The following FAM83C variants were observed in gnomAD, a reference collection of about 807,000 sequenced individuals.
FAM83C encodes the protein protein FAM83C.
A neutral mutation model predicts 27.1 loss-of-function variants in FAM83C; 23 were observed. That is an observed-to-expected ratio of 0.85 (90% confidence interval 0.61 to 1.20). The LOEUF is 1.20. FAM83C is among the 50% of genes most tolerant of loss of function. The pLI is 0.00. For synonymous variants in FAM83C, 426 were observed against 423.1 expected (o/e 1.01, Z -0.09); for missense variants, 984 against 1,001.3 (o/e 0.98, Z 0.23).
intron 1 of FAM83C, among the ~76,000 whole-genome samples, chr20:35,289,632 C>T (rs539670637): frequency 1.6e-3 from 247 of 152,104 alleles, no homozygotes; most frequent in Non-Finnish European, 2.8e-3. Context: ...CCACCACGCC[C>T]AGTCGCTAGT....
In FAM83C at chr20:35,286,383, G is replaced by GTA. The variant is rs1555798772; in HGVS notation, c.*151_*152insTA. ...TGTGTGTGTGTGTGTGTGTGTGTGTGTGTACACAAGAATCTTGAGCCCAGA... is the reference window on the plus strand; with the variant it reads ...TGTGTGTGTGTGTGTGTGTGTGTGTGTATGTACACAAGAATCTTGAGCCCAGA... On this transcript the variant is annotated 3_prime_UTR_variant, in exon 4 of 4. Transcript: ENST00000374408. 25 of 608,442 alleles carry GTA rather than the reference G, an allele frequency of 4.1e-5. No homozygotes were observed. The highest frequency in any genetic ancestry group is 4.4e-4 in the Middle Eastern group (1 of 2,274). The allele number at this position is 608,442 out of a possible 1,614,324, so 37.7% of individuals were successfully genotyped here. A position where few individuals can be genotyped will look rare whatever the true frequency, so the allele number is the denominator to read the frequency against.
At chr20:35,288,046 G>T in intron 3 of FAM83C, 74 bp from the exon 4 acceptor site, 3 of 1,296,700 alleles carry the variant, frequency 2.3e-6, no homozygotes, top group Non-Finnish European at 3.2e-6. Flanking sequence ...CACAGCCAGG[G>T]GTGCATACCT....
At position 35,288,482 on chromosome 20, in the gene FAM83C, T is replaced by A; in HGVS notation, c.785A>T (p.Gln262Leu). 6.2e-7 allele frequency: 1 copy of A among 1,614,058 alleles called. No homozygotes were observed. The highest frequency in any genetic ancestry group is 8.5e-7 in the Non-Finnish European group (1 of 1,179,986). The change falls in exon 3 of 4, where the codon CAA becomes CTA. Residue 262 changes from glutamine (Q) to leucine (L), a missense_variant. By Grantham distance (113) the Gln-to-Leu change is moderately radical. Transcript: ENST00000374408. ...TCACCTGTAACTGCCCGCCACCACTTGCTCACAGTCAATGAGGACGAACTT... is the reference window on the plus strand; with the variant it reads ...TCACCTGTAACTGCCCGCCACCACTAGCTCACAGTCAATGAGGACGAACTT... ...LEKFVLIDCEQVVAGSYSFTW... is the reference protein window; with the variant it reads ...LEKFVLIDCELVVAGSYSFTW...
chr20:35,287,862 G>A lies in FAM83C; in HGVS notation c.917C>T (p.Pro306Leu), dbSNP rs760478602. The A allele has an allele frequency of 6.8e-5, 106 of 1,565,978 alleles. No individual in the cohort carries two copies. The Admixed American group carries it at 1.2e-3, about 18-fold the overall frequency. Residue 306 changes from proline to leucine, a missense_variant, in exon 4 of 4, where the codon CCT becomes CTT. Physicochemically the swap from Pro to Leu is moderately conservative, Grantham distance 98. Coordinates refer to ENST00000374408, the MANE Select transcript of FAM83C (RefSeq NM_178468.6). ...EFRCLYAESQPVEGFCGGEDP... is the reference protein window; with the variant it reads ...EFRCLYAESQLVEGFCGGEDP... ...CTCACCGCCACAGAAGCCCTCCACA[G>A]GCTGCGACTCAGCGTACAGACAGCG...
Position 35,292,329 on chromosome 20 carries a change from G to A in FAM83C, c.-25C>T, listed in dbSNP as rs1407818869. 7.5e-6 allele frequency: 11 copies of A among 1,461,130 alleles called. No individual in the cohort carries two copies. The highest frequency in any genetic ancestry group is 2.8e-5 in the South Asian group (2 of 71,614). The allele number at this position is 1,461,130 out of a possible 1,614,324, so 90.5% of individuals were successfully genotyped here. On this transcript the variant is annotated 5_prime_UTR_variant, in exon 1 of 4. Coordinates refer to ENST00000374408, the MANE Select transcript of FAM83C (RefSeq NM_178468.6). ...TGCCTGCCACGCGGCTGCCTCACCC[G>A]CCGGCAGGGCCCATGGCCCGCACGC...
At chr20:35,288,364 A>G in intron 3 of FAM83C, 97 bp downstream of exon 3, 1 of 1,561,946 alleles carries the variant, frequency 6.4e-7, no homozygotes, top group Non-Finnish European at 8.7e-7. Flanking sequence ...GCAGGTACTC[A>G]GCCCGTGTCC....
In FAM83C at chr20:35,287,075, A is replaced by G. The variant is rs1600830538; in HGVS notation, c.1704T>C (p.Pro568=). 3 of 1,604,818 alleles carry G rather than the reference A, an allele frequency of 1.9e-6. No homozygotes were observed. The highest frequency in any genetic ancestry group is 8.5e-7 in the Non-Finnish European group (1 of 1,179,830). ...LSRALGTGGA[P]ELGSLRPGDR... ...CACCAGGTCTGAGGGAACCCAACTC[A>G]GGGGCACCCCCAGTACCCAGGGCTC... The change falls in exon 4 of 4, where the codon CCT becomes CCC. Residue 568 remains proline (P), a synonymous_variant. Transcript: ENST00000374408.
intron 3 of FAM83C, among the ~76,000 whole-genome samples, 177 bp downstream of exon 3, chr20:35,288,284 T>C (rs2060836147): frequency 6.6e-6 from 1 of 152,152 alleles, no homozygotes; most frequent in Non-Finnish European, 1.5e-5. Context: ...ATCATTCCCC[T>C]AGAGTGAGCT....
rs1384717493 is a variant in FAM83C, at chr20:35,288,913, A to G, written c.559T>C (p.Cys187Arg). Residue 187 changes from cysteine to arginine, a missense_variant, in exon 2 of 4, where the codon TGT becomes CGT. Transcript: ENST00000374408. ...MDIFTDMELL[C>R]DLMEASSRRG... ...CGGCTTGAGGCCTCCATGAGGTCAC[A>G]CAGAAGCTCCATGTCAGTGAATATG... 1.2e-6 allele frequency: 2 copies of G among 1,614,092 alleles called. No homozygotes were observed. Among genetic ancestry groups the G allele is most frequent in the East Asian group, 4.5e-5 (2 of 44,874 alleles).
Position 35,287,134 on chromosome 20 carries a change from T to G in FAM83C, c.1645A>C (p.Ser549Arg). Residue 549 changes from serine to arginine, a missense_variant, in exon 4 of 4, where the codon AGC becomes CGC. Coordinates refer to ENST00000374408, the MANE Select transcript of FAM83C (RefSeq NM_178468.6). The stretch of plus-strand genomic sequence containing the variant: ...AGATCCAGCTGGCTGTCGGCCTGGC[T>G]TGGGGACAACCTCCTGTCCTCTGGG... ...QAPEDRRLSP[S>R]QADSQLDLLS... 6.2e-7 allele frequency: 1 copy of G among 1,604,498 alleles called. No homozygotes were observed. The highest frequency in any genetic ancestry group is 1.1e-5 in the South Asian group (1 of 90,972).
chr20:35,287,170 C>T lies in FAM83C; in HGVS notation c.1609G>A (p.Gly537Ser). Residue 537 changes from glycine to serine, a missense_variant, in exon 4 of 4, where the codon GGC (glycine) becomes AGC (serine). Physicochemically the swap from Gly to Ser is moderately conservative, Grantham distance 56. Transcript: ENST00000374408. ...CTCCTGTCCTCTGGGGCCTGCTCGC[C>T]AGGCCGAAGGGGGCCTGAGTTGGGG... ...VTPNSGPLRPGEQAPEDRRLS... is the reference protein window; with the variant it reads ...VTPNSGPLRPSEQAPEDRRLS... 1.2e-6 allele frequency: 2 copies of T among 1,607,526 alleles called. No homozygotes were observed. The highest frequency in any genetic ancestry group is 1.7e-6 in the Non-Finnish European group (2 of 1,179,436).
rs762104755 is a variant in FAM83C at position 35,287,456 on chromosome 20, C to T, written c.1323G>A (p.Val441=). ...GGGAGCGAGGAAGCAGAGGTGACCCCACTGCCAAGGTTAAGGGGCTGGTAC... is the reference window on the plus strand; with the variant it reads ...GGGAGCGAGGAAGCAGAGGTGACCCTACTGCCAAGGTTAAGGGGCTGGTAC... ...HNSTSPLTLA[V]GSPLLPRSRP... is the part of the protein sequence containing the mutation. Residue 441 remains valine (V), a synonymous_variant, in exon 4 of 4, where the codon GTG becomes GTA. Coordinates refer to ENST00000374408, the MANE Select transcript of FAM83C (RefSeq NM_178468.6). 2.7e-5 allele frequency: 44 copies of T among 1,614,068 alleles called. No individual in the cohort carries two copies. Among genetic ancestry groups the T allele is most frequent in the Non-Finnish European group, 3.5e-5 (41 of 1,180,028 alleles).
chr20:35,289,241 C>T (rs1427531040), intron 1 of FAM83C, among the ~76,000 whole-genome samples: 1 of 152,150 alleles, frequency 6.6e-6, no homozygotes. Flanking sequence ...GATCATAGCT[C>T]TCTTCTGCCT....
chr20:35,286,354 G>GAT lies in FAM83C; in HGVS notation c.*180_*181insAT. ...CTAGATTCAAGAAGATACTAGTTAG[G>GAT]GTGTGTGTGTGTGTGTGTGTGTGTG... On this transcript the variant is annotated 3_prime_UTR_variant, in exon 4 of 4. Coordinates refer to ENST00000374408, the MANE Select transcript of FAM83C (RefSeq NM_178468.6). 2.0e-6 allele frequency: 1 copy of GAT among 511,806 alleles called. No individual in the cohort carries two copies. Among genetic ancestry groups the GAT allele is most frequent in the Non-Finnish European group, 3.4e-6 (1 of 293,936 alleles). The allele number at this position is 511,806 out of a possible 1,614,324, so 31.7% of individuals were successfully genotyped here.
Position 35,286,368 on chromosome 20 carries a change from T to G in FAM83C, c.*167A>C, listed in dbSNP as rs2060824209. The G allele has an allele frequency of 1.7e-6, 1 of 601,186 alleles. No homozygotes were observed. 37.2% of individuals were successfully genotyped at this position (601,186 alleles called of 1,614,324 possible). A position where few individuals can be genotyped will look rare whatever the true frequency, so the allele number is the denominator to read the frequency against. ...ATACTAGTTAGGGTGTGTGTGTGTG[T>G]GTGTGTGTGTGTGTGTGTACACAAG... On this transcript the variant is annotated 3_prime_UTR_variant, in exon 4 of 4. Transcript: ENST00000374408.
At position 35,287,167 on chromosome 20, in the gene FAM83C, C is replaced by G; in HGVS notation, c.1612G>C (p.Glu538Gln). ...AACCTCCTGTCCTCTGGGGCCTGCT[C>G]GCCAGGCCGAAGGGGGCCTGAGTTG... ...TPNSGPLRPG[E>Q]QAPEDRRLSP... is the part of the protein sequence containing the mutation. The change falls in exon 4 of 4, where the codon GAG becomes CAG. Residue 538 changes from glutamate (E) to glutamine (Q), a missense_variant. Coordinates refer to ENST00000374408, the MANE Select transcript of FAM83C (RefSeq NM_178468.6). 1 of 1,606,772 alleles carries G rather than the reference C, an allele frequency of 6.2e-7. No homozygotes were observed. Among genetic ancestry groups the G allele is most frequent in the Non-Finnish European group, 8.5e-7 (1 of 1,179,314 alleles).
rs1242024901 is a variant in FAM83C, at chr20:35,286,321, AAC to A, written c.*212_*213del. On this transcript the variant is annotated 3_prime_UTR_variant, in exon 4 of 4. Transcript: ENST00000374408. ...TCTACAGGCCCAGCACAGGGCTGGA[AAC>A]ACAGCCTAGATTCAAGAAGATACTA... The A allele has an allele frequency of 1.8e-6, 1 of 564,208 alleles. No homozygotes were observed. The highest frequency in any genetic ancestry group is 3.1e-6 in the Non-Finnish European group (1 of 322,672). 35.0% of individuals were successfully genotyped at this position (564,208 alleles called of 1,614,324 possible).
chr20:35,291,876 G>C lies in FAM83C; in HGVS notation c.429C>G (p.Pro143=), dbSNP rs762907822. ...TCTGGAAGTGGACCACAGCCTGGGT[G>C]GGGCTGAAGCCTGTGGCCTGTGGCA... The part of the protein sequence containing the change: ...PEVPQATGFS[P]TQAVVHFQRD... Residue 143 remains proline (P), a synonymous_variant, in exon 1 of 4, where the codon CCC becomes CCG. Transcript: ENST00000374408. The C allele has an allele frequency of 1.2e-6, 2 of 1,614,142 alleles. No individual in the cohort carries two copies. The highest frequency in any genetic ancestry group is 1.7e-6 in the Non-Finnish European group (2 of 1,179,998).
rs1379956325 is a variant in FAM83C at position 35,291,668 on chromosome 20, G to C, written c.513+124C>G. On this transcript the variant is annotated intron_variant, in intron 1 of 3. Transcript: ENST00000374408. ...CCTTCTAGGAGTTTGCAATCTAATA[G>C]TGCCAGAGGTGCTGGTCCTCATTCT... 4.7e-6 allele frequency: 6 copies of C among 1,284,982 alleles called. No homozygotes were observed. In the East Asian group the frequency reaches 1.4e-4, roughly 30 times the overall value. 79.6% of individuals were successfully genotyped at this position (1,284,982 alleles called of 1,614,324 possible).
Sources: gnomAD v4.1 joint callset for allele counts (sites outside exome capture counted in the v4.1 genomes callset) on GRCh38, gnomAD v4.1.1 for gene constraint, MANE v1.5 for transcripts, NCBI Gene and HGNC (gene_info 2026-07-23, HGNC 2026-07-21) for gene names.